Variants in EPHA4 observed in about 807,000 individuals in gnomAD.
EPHA4 encodes EPH receptor A4, also known as ephrin type-A receptor 4.
A neutral mutation model predicts 108.3 loss-of-function variants in EPHA4; 19 were observed. That is an observed-to-expected ratio of 0.18 (90% CI 0.12 to 0.26). The LOEUF (loss-of-function observed/expected upper bound fraction) is 0.26. Among genes scored for constraint, EPHA4 ranks in the 10% least tolerant of loss-of-function variants. EPHA4 has a pLI of 1.00. For synonymous variants in EPHA4, 449 were observed against 455.5 expected, an observed-to-expected ratio of 0.99 and a Z score of 0.18; for missense variants, 917 against 1,254.0, an observed-to-expected ratio of 0.73 and a Z score of 4.06.
At chr2:221,517,353 G>A (rs1693018458) in intron 3 of EPHA4, among the ~76,000 whole-genome samples, 1 of 152,174 alleles carries the variant, frequency 6.6e-6, no homozygotes, top group Non-Finnish European at 1.5e-5. Context: ...GATCAGAGTG[G>A]TCATCCTGAG....
chr2:221,539,612 T>C (rs1403588838), intron 3 of EPHA4, among the ~76,000 whole-genome samples: 3 of 152,170 alleles, frequency 2.0e-5, no homozygotes, highest in Non-Finnish European at 4.4e-5. Flanking sequence ...CTTGGAGACC[T>C]ATCCTAAAAT....
chr2:221,459,853 T>C (rs554974924), intron 5 of EPHA4, among the ~76,000 whole-genome samples: 1 of 152,052 alleles, frequency 6.6e-6, no homozygotes, highest in African/African-American at 2.4e-5. Context: ...GGGAGAAAAA[T>C]CATAAAATTA....
intron 11 of EPHA4, among the ~76,000 whole-genome samples, chr2:221,438,181 A>ATT (rs148645709): frequency 6.0e-5 from 9 of 149,346 alleles, no homozygotes; most frequent in Non-Finnish European, 1.3e-4. Context: ...CCCCCTACCT[A>ATT]TTTTTTTTTT....
At chr2:221,552,335 C>T (rs748969461) in intron 3 of EPHA4, among the ~76,000 whole-genome samples, 1 of 152,154 alleles carries the variant, frequency 6.6e-6, no homozygotes, top group Non-Finnish European at 1.5e-5. Flanking sequence ...ATTACATGAA[C>T]GGCTAAAGCT....
chr2:221,502,978 C>CT (rs1012194586), intron 3 of EPHA4, among the ~76,000 whole-genome samples: 1 of 152,118 alleles, frequency 6.6e-6, no homozygotes, highest in African/African-American at 2.4e-5. Context: ...TTGCAAGGTG[C>CT]TTTTTTGGTC....
At chr2:221,434,031 A>C (rs1690158044) in intron 14 of EPHA4, 111 bp downstream of exon 14, 1 of 1,092,326 alleles carries the variant, frequency 9.2e-7, no homozygotes, top group African/African-American at 1.6e-5. Context: ...TGTATTAAGA[A>C]ATTTGAGTTT....
intron 8 of EPHA4, among the ~76,000 whole-genome samples, chr2:221,448,580 A>G (rs1273976416): frequency 2.6e-5 from 4 of 152,144 alleles, no homozygotes; most frequent in African/African-American, 4.8e-5. Context: ...TTTTAAAGGA[A>G]TATAAGAGTG....
rs568820532 is a variant in EPHA4, at chr2:221,470,763, A to G, written c.1318+11589T>C. On this transcript the variant is annotated intron_variant, in intron 5 of 17. Coordinates refer to ENST00000281821, the MANE Select transcript of EPHA4 (RefSeq NM_004438.5). ...GAGACCTTTGGGTTAAATTACAGTC[A>G]GAACATTTTGAGAATGCATCTTACA... Among the ~76,000 whole-genome samples the G allele has an allele frequency of 4.6e-5, 7 of 152,276 alleles. No homozygotes were observed. In the East Asian group the frequency reaches 1.4e-3, roughly 29 times the overall value.
intron 3 of EPHA4, among the ~76,000 whole-genome samples, chr2:221,558,830 A>G (rs1441656592): frequency 6.6e-6 from 1 of 152,212 alleles, no homozygotes; most frequent in African/African-American, 2.4e-5. Context: ...CATTTTTTCA[A>G]TGATCACAGC....
intron 5 of EPHA4, among the ~76,000 whole-genome samples, chr2:221,478,823 GGGCTGCAAGT>G (rs1322478595): frequency 2.5e-4 from 38 of 152,298 alleles, no homozygotes; most frequent in Admixed American, 4.6e-4. Context: ...GTAGCCAGCT[GGGCTGCAAGT>G]GTCACTGAAG....
chr2:221,566,118 G>A lies in EPHA4; in HGVS notation c.160-1724C>T, dbSNP rs531855065. 6.6e-5 allele frequency among the ~76,000 whole-genome samples: 10 copies of A among 152,254 alleles called. 1 individual carries two copies. The South Asian group carries it at 8.3e-4, about 13-fold the overall frequency. ...TTTGGCTACAACGATGTTATCAGGA[G>A]CCATCACTTTCCCTAATTCTCATGT... On this transcript the variant is annotated intron_variant, in intron 2 of 17. Coordinates refer to ENST00000281821, the MANE Select transcript of EPHA4 (RefSeq NM_004438.5).
At chr2:221,493,126 C>A (rs1692197237) in intron 4 of EPHA4, among the ~76,000 whole-genome samples, 1 of 152,164 alleles carries the variant, frequency 6.6e-6, no homozygotes, top group Non-Finnish European at 1.5e-5. Context: ...TTCACTAGAG[C>A]TAACTGCACC....
intron 3 of EPHA4, among the ~76,000 whole-genome samples, chr2:221,529,229 A>C (rs1310284770): frequency 1.3e-5 from 2 of 152,220 alleles, no homozygotes; most frequent in Admixed American, 1.3e-4. Flanking sequence ...AAAGCACTGA[A>C]AAATTCCAGG....
chr2:221,472,931 A>C (rs1456834820), intron 5 of EPHA4, among the ~76,000 whole-genome samples: 1 of 152,152 alleles, frequency 6.6e-6, no homozygotes, highest in Non-Finnish European at 1.5e-5. Context: ...GAAGAAATGG[A>C]ATCTAAGAGT....
Position 221,563,765 on chromosome 2 carries a change from G to A in EPHA4, c.789C>T (p.Asn263=), listed in dbSNP as rs779199200. 4.3e-6 allele frequency: 7 copies of A among 1,614,200 alleles called. No individual in the cohort carries two copies. The South Asian group carries it at 4.4e-5, about 10-fold the overall frequency. The change falls in exon 3 of 18, where the codon AAC becomes AAT. Residue 263 remains asparagine, a synonymous_variant. Transcript: ENST00000281821. ...WLVPIGNCLC[N]AGHEERSGEC... is the part of the protein sequence containing the mutation. ...CTCCGCTCCGCTCCTCATGCCCAGC[G>A]TTGCATAGGCAGTTGCCAATGGGTA... is the stretch of plus-strand genomic sequence containing the variant.
rs555201535 is a variant in EPHA4, at chr2:221,500,459, C to G, written c.979+558G>C. ...ATTTCTTCACTCCTGCTCTTCATAC[C>G]AAGCTTCCCAGCCTCATCCATTCAT... On this transcript the variant is annotated intron_variant, in intron 4 of 17. Transcript: ENST00000281821. Among the ~76,000 whole-genome samples, 132 of 152,344 alleles carry G rather than the reference C, an allele frequency of 8.7e-4. 1 individual carries two copies. Among genetic ancestry groups the G allele is most frequent in the African/African-American group, 3.1e-3 (128 of 41,586 alleles).
rs773907283 is a variant in EPHA4 at position 221,572,173 on chromosome 2, A to G, written c.76T>C (p.Tyr26His). 1 of 1,613,968 alleles carries G rather than the reference A, an allele frequency of 6.2e-7. No individual in the cohort carries two copies. Among genetic ancestry groups the G allele is most frequent in the South Asian group, 1.1e-5 (1 of 91,090 alleles). The change falls in exon 1 of 18, where the codon TAC (tyrosine) becomes CAC (histidine). Residue 26 changes from tyrosine (Y) to histidine (H), a missense_variant. Tyr to His is a moderately conservative substitution (Grantham distance 83). Around this residue, in one of 3 missense-constraint regions of EPHA4, gnomAD observed 758 missense variants for 1,076.7 expected, o/e 0.70. Transcript: ENST00000281821. ...ICDAVTGSRV[Y>H]PANEVTLLDS... is the part of the protein sequence containing the mutation. Reference sequence around the variant, plus strand: ...CCGCTCTTACCTTCATTCGCGGGGTATACCCTGGAACCTGTGACAGCGTCG... The same window carrying G: ...CCGCTCTTACCTTCATTCGCGGGGTGTACCCTGGAACCTGTGACAGCGTCG...
intron 3 of EPHA4, among the ~76,000 whole-genome samples, chr2:221,524,237 TTA>T (rs1693256610): frequency 6.6e-6 from 1 of 152,198 alleles, no homozygotes; most frequent in Non-Finnish European, 1.5e-5. Context: ...ACTCCACTTC[TTA>T]GCACCAGTAT....
At chr2:221,534,126 A>G (rs972078525) in intron 3 of EPHA4, among the ~76,000 whole-genome samples, 1 of 152,220 alleles carries the variant, frequency 6.6e-6, no homozygotes, top group Non-Finnish European at 1.5e-5. Context: ...CTCTTGAAGG[A>G]TAACAGATGA....
Sources: allele counts gnomAD v4.1 joint callset (sites outside exome capture counted in the v4.1 genomes callset), GRCh38; gene constraint gnomAD v4.1.1; regional missense constraint gnomAD v4.1.1; transcripts MANE v1.5; gene names NCBI Gene and HGNC (gene_info 2026-07-23, HGNC 2026-07-21).